The following ABAT variants were observed in gnomAD, a reference collection of about 807,000 sequenced individuals.
The protein encoded by ABAT is 4-aminobutyrate aminotransferase.
ABAT carries 45 observed loss-of-function variants against 64.6 expected under a neutral mutation model. That is an observed-to-expected ratio of 0.70 (90% confidence interval 0.55 to 0.89). The LOEUF is 0.89. Ranked by LOEUF, ABAT falls within the 40% of genes least tolerant of loss-of-function variation. The probability of loss-of-function intolerance (pLI) is 0.00; values close to 1 mark genes in which losing one functional copy is unlikely to be tolerated. For synonymous variants in ABAT, 297 were observed against 250.5 expected (o/e 1.19, Z -1.75); for missense variants, 633 against 658.4 (o/e 0.96, Z 0.42).
Position 8,781,597 on chromosome 16 carries a change from G to A in ABAT, c.*167G>A, listed in dbSNP as rs1235170553. ...GTGGTCTTGGGGGAGGGGAGGGGAG[G>A]GAAGGGCTGGTGTTGATTTTCCTCC... On this transcript the variant is annotated 3_prime_UTR_variant, in exon 16 of 16. Coordinates refer to ENST00000268251, the MANE Select transcript of ABAT (RefSeq NM_020686.6). The surrounding 1 kb of genome is among the most constrained non-coding windows in gnomAD (Gnocchi z 4.5). 8 of 794,886 alleles carry A rather than the reference G, an allele frequency of 1.0e-5. No homozygotes were observed. In the Admixed American group the frequency reaches 1.7e-4, roughly 17 times the overall value. The allele number at this position is 794,886 out of a possible 1,614,324, so 49.2% of individuals were successfully genotyped here. A position where few individuals can be genotyped will look rare whatever the true frequency, so the allele number is the denominator to read the frequency against.
intron 2 of ABAT, among the ~76,000 whole-genome samples, chr16:8,741,615 A>G (rs1896881000): frequency 6.6e-6 from 1 of 152,226 alleles, no homozygotes; most frequent in Non-Finnish European, 1.5e-5. Flanking sequence ...GTCTTCATAG[A>G]TGAGATCCAA....
chr16:8,715,341 G>C (rs1225993638), intron 1 of ABAT: 1 of 152,094 alleles, frequency 6.6e-6, no homozygotes, highest in African/African-American at 2.4e-5. Flanking sequence ...TTGTGGGCTG[G>C]GCTCAGTGGC....
intron 4 of ABAT, among the ~76,000 whole-genome samples, chr16:8,750,012 G>T (rs886729927): frequency 6.6e-6 from 1 of 152,186 alleles, no homozygotes; most frequent in African/African-American, 2.4e-5. Flanking sequence ...ACTGCACTCA[G>T]CCCTCTTGTG....
chr16:8,708,544 C>T (rs1252924138), intron 1 of ABAT, among the ~76,000 whole-genome samples: 1 of 152,116 alleles, frequency 6.6e-6, no homozygotes, highest in Non-Finnish European at 1.5e-5. Flanking sequence ...CAAGCAATCT[C>T]CCTGCCTCTG....
At chr16:8,707,436 C>G (rs901187662) in intron 1 of ABAT, among the ~76,000 whole-genome samples, 4 of 149,728 alleles carry the variant, frequency 2.7e-5, no homozygotes, top group Admixed American at 1.3e-4. Context: ...ATCCTCCCAT[C>G]TCAGCCTCCC....
At chr16:8,709,493 C>A (rs2058023157) in intron 1 of ABAT, among the ~76,000 whole-genome samples, 1 of 152,142 alleles carries the variant, frequency 6.6e-6, no homozygotes, top group South Asian at 2.1e-4. Flanking sequence ...CCTGCTTCAA[C>A]CTCCAGAGTA....
chr16:8,705,595 C>T (rs1027995141), intron 1 of ABAT: 1 of 152,164 alleles, frequency 6.6e-6, no homozygotes, highest in Non-Finnish European at 1.5e-5. Flanking sequence ...AGATACTCTC[C>T]AGCAGTGTCT....
At chr16:8,676,299 G>A (rs747121269) in intron 1 of ABAT, among the ~76,000 whole-genome samples, 2 of 152,112 alleles carry the variant, frequency 1.3e-5, no homozygotes, top group Non-Finnish European at 2.9e-5. Flanking sequence ...GGCACAAAAG[G>A]GGAAGAGACT....
chr16:8,714,413 C>A (rs76329654), intron 1 of ABAT, among the ~76,000 whole-genome samples: 3,409 of 152,318 alleles, frequency 0.022, 77 homozygotes, highest in East Asian at 0.097. Context: ...GTGAGAATCT[C>A]AGTTGACAGC....
chr16:8,700,846 T>A (rs1217465120), intron 1 of ABAT, among the ~76,000 whole-genome samples: 1 of 152,090 alleles, frequency 6.6e-6, no homozygotes, highest in African/African-American at 2.4e-5. Flanking sequence ...GCTCAAGCAG[T>A]CATCCTGCCT....
intron 5 of ABAT, among the ~76,000 whole-genome samples, chr16:8,752,774 A>G (rs1429606147): frequency 6.6e-6 from 1 of 152,146 alleles, no homozygotes; most frequent in Non-Finnish European, 1.5e-5. Flanking sequence ...TCTCAGTAAA[A>G]AACAAAAACA....
At chr16:8,716,951 G>C (rs2058231511) in intron 1 of ABAT, among the ~76,000 whole-genome samples, 1 of 152,168 alleles carries the variant, frequency 6.6e-6, no homozygotes, top group Non-Finnish European at 1.5e-5. Flanking sequence ...AGATTTTGAA[G>C]ACTTAGCACA....
chr16:8,756,726 G>C (rs565495264), intron 5 of ABAT, among the ~76,000 whole-genome samples: 3 of 152,142 alleles, frequency 2.0e-5, no homozygotes, highest in African/African-American at 7.2e-5. Flanking sequence ...CAGCTGATTC[G>C]TTACATTAGA....
chr16:8,753,993 A>G (rs74812773), intron 5 of ABAT, among the ~76,000 whole-genome samples: 6,239 of 152,054 alleles, frequency 0.041, 188 homozygotes, highest in Middle Eastern at 0.16. Context: ...CAGGCAACAG[A>G]AAGATTGTTC....
Position 8,776,387 on chromosome 16 carries a change from A to G in ABAT, c.1166A>G (p.Asn389Ser). 6.2e-7 allele frequency: 1 copy of G among 1,614,166 alleles called. No homozygotes were observed. The highest frequency in any genetic ancestry group is 8.5e-7 in the Non-Finnish European group (1 of 1,180,028). Reference sequence around the variant, plus strand: ...ACCTGGCTGGGGGACCCGTCCAAGAACCTGTTGCTGGCTGAGGTCATCAAC... The same window carrying G: ...ACCTGGCTGGGGGACCCGTCCAAGAGCCTGTTGCTGGCTGAGGTCATCAAC... ...FNTWLGDPSK[N>S]LLLAEVINII... Residue 389 changes from asparagine to serine, a missense_variant, in exon 14 of 16, where the codon AAC becomes AGC. Physicochemically the swap from Asn to Ser is conservative, Grantham distance 46 (BLOSUM62 1). Transcript: ENST00000268251. This position sits in a 1 kb window ranked among gnomAD's most constrained non-coding sequence, Gnocchi z 4.4.
intron 1 of ABAT, among the ~76,000 whole-genome samples, chr16:8,677,768 A>G (rs1027022490): frequency 6.6e-6 from 1 of 152,210 alleles, no homozygotes; most frequent in Non-Finnish European, 1.5e-5. Flanking sequence ...TGCTGGTCTA[A>G]TACATGGCCT....
chr16:8,711,565 C>T (rs1039594399), intron 1 of ABAT, among the ~76,000 whole-genome samples: 1 of 152,176 alleles, frequency 6.6e-6, no homozygotes, highest in African/African-American at 2.4e-5. Flanking sequence ...ACTGTGAGAA[C>T]GTATTGCACT....
intron 1 of ABAT, among the ~76,000 whole-genome samples, chr16:8,691,391 CCACATTT>C (rs2057577835): frequency 6.6e-6 from 1 of 152,124 alleles, no homozygotes; most frequent in African/African-American, 2.4e-5. Flanking sequence ...AGATAACCTG[CCACATTT>C]CCTGGAGAGC....
chr16:8,768,381 A>T, intron 10 of ABAT, 125 bp downstream of exon 10: 2 of 977,512 alleles, frequency 2.0e-6, no homozygotes, highest in South Asian at 2.7e-5. Flanking sequence ...ATCCCACTGC[A>T]GAGTGGGGAT....
Sources: gnomAD v4.1 joint callset for allele counts (sites outside exome capture counted in the v4.1 genomes callset) on GRCh38, gnomAD v4.1.1 for gene constraint, Gnocchi (gnomAD v3.1) non-coding constraint, MANE v1.5 for transcripts, NCBI Gene and HGNC (gene_info 2026-07-23, HGNC 2026-07-21) for gene names.